The following GSTO2 variants were observed in gnomAD, a reference collection of about 807,000 sequenced individuals.
GSTO2 encodes glutathione S-transferase omega-2.
Under a neutral mutation model 28.4 loss-of-function variants are expected in GSTO2, and 23 were observed. The observed-to-expected ratio is 0.81, with a 90% confidence interval of 0.58 to 1.15. GSTO2 has a LOEUF of 1.15. Among genes scored for constraint, GSTO2 ranks in the 50% most tolerant of loss-of-function variants. The probability of loss-of-function intolerance (pLI) is 0.00; values close to 1 mark genes in which losing one functional copy is unlikely to be tolerated. For missense variants in GSTO2, 298 were observed against 297.8 expected (o/e 1.00, Z 0.00); for synonymous variants, 109 against 111.0 (o/e 0.98, Z 0.11).
Position 104,297,689 on chromosome 10 carries a change from G to A in GSTO2, c.575+5G>A, listed in dbSNP as rs1219090649. 14 of 1,586,374 alleles carry A rather than the reference G, an allele frequency of 8.8e-6. No homozygotes were observed. The highest frequency in any genetic ancestry group is 2.7e-5 in the African/African-American group (2 of 74,274). On this transcript the variant is annotated splice_donor_5th_base_variant and intron_variant, in intron 6 of 6. Coordinates refer to ENST00000338595, the MANE Select transcript of GSTO2 (RefSeq NM_183239.2). The stretch of plus-strand genomic sequence containing the variant: ...GGATGTGTATGGGATACTGGAGTAA[G>A]ACATTTGACATTGTGGTGTTAAATT...
At chr10:104,289,191 C>T (rs1211900418) in intron 5 of GSTO2, among the ~76,000 whole-genome samples, 1 of 152,098 alleles carries the variant, frequency 6.6e-6, no homozygotes. Context: ...CTCGACCTCT[C>T]AGGCTCAGGT....
chr10:104,298,635 A>G (rs1285446394), intron 6 of GSTO2, among the ~76,000 whole-genome samples: 1 of 152,232 alleles, frequency 6.6e-6, no homozygotes, highest in Non-Finnish European at 1.5e-5. Flanking sequence ...GAGCTTTGAA[A>G]GAGCCCTGTC....
At chr10:104,272,314 T>C (rs1233967588) in intron 1 of GSTO2, among the ~76,000 whole-genome samples, 1 of 152,240 alleles carries the variant, frequency 6.6e-6, no homozygotes, top group Non-Finnish European at 1.5e-5. Context: ...TTATCATCGA[T>C]GGCTGTTTTT....
chr10:104,296,179 T>C (rs1362881299), intron 5 of GSTO2: 2 of 152,208 alleles, frequency 1.3e-5, no homozygotes, highest in Non-Finnish European at 2.9e-5. Context: ...GTTTGTTTTC[T>C]TTACAGTCCA....
chr10:104,290,413 G>A (rs1218006594), intron 5 of GSTO2, among the ~76,000 whole-genome samples: 13 of 151,892 alleles, frequency 8.6e-5, no homozygotes, highest in Non-Finnish European at 1.9e-4. Flanking sequence ...GCTGAGGCAG[G>A]AGAATTGCTT....
rs2013187181 is a variant in GSTO2 at position 104,299,321 on chromosome 10, C to T, written c.*37C>T. 1 of 1,611,508 alleles carries T rather than the reference C, an allele frequency of 6.2e-7. No individual in the cohort carries two copies. Among genetic ancestry groups the T allele is most frequent in the Admixed American group, 1.7e-5 (1 of 59,522 alleles). On this transcript the variant is annotated 3_prime_UTR_variant, in exon 7 of 7. Transcript: ENST00000338595. ...CACCCCTTCGCTGTCCAGAATTCCC[C>T]AGCTTGTTGGGAGTCTACGTCACGG... is the stretch of plus-strand genomic sequence containing the variant.
At chr10:104,271,288 T>A (rs892461285) in intron 1 of GSTO2, among the ~76,000 whole-genome samples, 1 of 152,350 alleles carries the variant, frequency 6.6e-6, no homozygotes, top group African/African-American at 2.4e-5. Context: ...AGTTGAACTT[T>A]AATTCTAATA....
chr10:104,294,706 C>T (rs904034500), intron 5 of GSTO2, among the ~76,000 whole-genome samples: 1 of 152,164 alleles, frequency 6.6e-6, no homozygotes, highest in Admixed American at 6.5e-5. Context: ...GATCACCGAT[C>T]CATTTATTCC....
chr10:104,279,201 GA>G (rs1181568177), intron 4 of GSTO2, among the ~76,000 whole-genome samples, 168 bp from the exon 5 acceptor site: 1 of 152,176 alleles, frequency 6.6e-6, no homozygotes, highest in Non-Finnish European at 1.5e-5. Flanking sequence ...TTCCTACTGA[GA>G]ACCGGAACCA....
chr10:104,281,852 G>T (rs1438409590), intron 5 of GSTO2, among the ~76,000 whole-genome samples: 2 of 152,178 alleles, frequency 1.3e-5, no homozygotes, highest in African/African-American at 4.8e-5. Flanking sequence ...CATACAAGAA[G>T]GCTGGTCTGT....
At chr10:104,281,557 G>T (rs933056294) in intron 5 of GSTO2, among the ~76,000 whole-genome samples, 2 of 152,188 alleles carry the variant, frequency 1.3e-5, no homozygotes, top group African/African-American at 4.8e-5. Context: ...TTCTTCTTCA[G>T]TCGGGGGTCT....
intron 5 of GSTO2, among the ~76,000 whole-genome samples, chr10:104,294,423 A>G (rs2012929862): frequency 6.6e-6 from 1 of 152,198 alleles, no homozygotes; most frequent in African/African-American, 2.4e-5. Flanking sequence ...TGAGGACTTC[A>G]GCAGACCTCC....
chr10:104,280,127 C>T (rs1007692700), intron 5 of GSTO2, among the ~76,000 whole-genome samples: 9 of 140,998 alleles, frequency 6.4e-5, no homozygotes, highest in African/African-American at 2.4e-4. Flanking sequence ...GATTGCACCA[C>T]TGCACTCTAG....
chr10:104,290,722 G>A (rs1564851107), intron 5 of GSTO2, among the ~76,000 whole-genome samples: 2 of 152,166 alleles, frequency 1.3e-5, no homozygotes. Context: ...ACAGAGAGTA[G>A]AAGGATAGTT....
chr10:104,284,248 T>C (rs1162603476), intron 5 of GSTO2, among the ~76,000 whole-genome samples: 2 of 152,072 alleles, frequency 1.3e-5, no homozygotes, highest in Non-Finnish European at 2.9e-5. Flanking sequence ...TGGTCCCTGC[T>C]ACTTGGGAGG....
chr10:104,278,722 C>G (rs2011804919), intron 4 of GSTO2, among the ~76,000 whole-genome samples: 1 of 152,176 alleles, frequency 6.6e-6, no homozygotes, highest in Non-Finnish European at 1.5e-5. Context: ...CTCAAGTGAT[C>G]TGCCTGCCTC....
intron 5 of GSTO2, among the ~76,000 whole-genome samples, chr10:104,292,403 C>A (rs144443561): frequency 2.6e-5 from 4 of 152,046 alleles, no homozygotes; most frequent in African/African-American, 9.6e-5. Flanking sequence ...AGAGATCCTT[C>A]CACTTTGACC....
At chr10:104,275,563 A>G (rs1235226185) in intron 3 of GSTO2, among the ~76,000 whole-genome samples, 1 of 152,108 alleles carries the variant, frequency 6.6e-6, no homozygotes, top group Non-Finnish European at 1.5e-5. Flanking sequence ...AGCCCAGCGC[A>G]GAGTAATGTG....
chr10:104,274,375 C>T (rs2011533250), intron 1 of GSTO2, among the ~76,000 whole-genome samples: 1 of 152,126 alleles, frequency 6.6e-6, no homozygotes, highest in African/African-American at 2.4e-5. Context: ...TGTGAGATTT[C>T]AACACCAATG....
Sources: allele counts gnomAD v4.1 joint callset (sites outside exome capture counted in the v4.1 genomes callset), GRCh38; gene constraint gnomAD v4.1.1; transcripts MANE v1.5; gene names NCBI Gene and HGNC (gene_info 2026-07-23, HGNC 2026-07-21).